Variants in CSMD1 observed in about 807,000 individuals in gnomAD.
CSMD1 encodes CUB and sushi domain-containing protein 1.
Under a neutral mutation model 417.5 loss-of-function variants are expected in CSMD1, and 213 were observed. The observed-to-expected ratio is 0.51, with a 90% CI of 0.46 to 0.57. The LOEUF (loss-of-function observed/expected upper bound fraction) is 0.57. CSMD1 is among the 20% of genes least tolerant of loss of function. The pLI is 0.00. For synonymous variants in CSMD1, 2,862 were observed against 1,736.8 expected (o/e 1.65, Z -16.11); for missense variants, 6,923 against 4,529.7 (o/e 1.53, Z -15.17).
At chr8:4,113,780 T>A (rs901383995) in intron 3 of CSMD1, among the ~76,000 whole-genome samples, 6 of 152,148 alleles carry the variant, frequency 3.9e-5, no homozygotes, top group African/African-American at 1.4e-4. Context: ...GTTTTCAAGT[T>A]ATCTGCATAA....
At position 3,206,462 on chromosome 8, in the gene CSMD1, G is replaced by T. The variant is rs564761898; in HGVS notation, c.4868-842C>A. On this transcript the variant is annotated intron_variant, in intron 30 of 69. Coordinates refer to ENST00000635120, the MANE Select transcript of CSMD1 (RefSeq NM_033225.6). ...GTATGTGTGTGTGTATGTGTGTGTG[G>T]GGGGGTTATGTCTGTGCGTGTATGT... is the stretch of plus-strand genomic sequence containing the variant. Among the ~76,000 whole-genome samples, 86 of 69,942 alleles carry T rather than the reference G, an allele frequency of 1.2e-3. 1 individual carries two copies. Among genetic ancestry groups the T allele is most frequent in the African/African-American group, 4.4e-3 (78 of 17,692 alleles). The allele number at this position is 69,942 out of a possible 152,430, so 45.9% of individuals were successfully genotyped here. A position where few individuals can be genotyped will look rare whatever the true frequency, so the allele number is the denominator to read the frequency against.
chr8:4,848,889 A>G (rs1801303835), intron 1 of CSMD1, among the ~76,000 whole-genome samples: 1 of 152,238 alleles, frequency 6.6e-6, no homozygotes, highest in Admixed American at 6.5e-5. Context: ...TTTCTGGTTT[A>G]TAGTTTTACT....
At chr8:4,039,837 G>C (rs545673355) in intron 3 of CSMD1, among the ~76,000 whole-genome samples, 2 of 152,254 alleles carry the variant, frequency 1.3e-5, no homozygotes, top group African/African-American at 2.4e-5. Context: ...AAATAGATTT[G>C]GGTTTCTGCT....
chr8:4,788,506 G>A, intron 1 of CSMD1: 1 of 1,378,314 alleles, frequency 7.3e-7, no homozygotes, highest in Non-Finnish European at 1.0e-6. Context: ...ATTTAGTATG[G>A]AGCAAACTGT....
rs551825272 is a variant in CSMD1 at position 3,374,724 on chromosome 8, G to T, written c.2783-5354C>A. ...GCCCCGAGACAGGCTGTCTGCTGAGGTTTCTCTGCCAACTCATTCCAGGAT... is the reference window on the plus strand; with the variant it reads ...GCCCCGAGACAGGCTGTCTGCTGAGTTTTCTCTGCCAACTCATTCCAGGAT... On this transcript the variant is annotated intron_variant, in intron 18 of 69. Coordinates refer to ENST00000635120, the MANE Select transcript of CSMD1 (RefSeq NM_033225.6). Among the ~76,000 whole-genome samples the T allele has an allele frequency of 1.2e-3, 185 of 152,172 alleles. 1 individual carries two copies. Among genetic ancestry groups the T allele is most frequent in the African/African-American group, 4.1e-3 (171 of 41,518 alleles).
intron 5 of CSMD1, among the ~76,000 whole-genome samples, chr8:3,895,285 T>C (rs1197895727): frequency 6.6e-6 from 1 of 152,196 alleles, no homozygotes; most frequent in African/African-American, 2.4e-5. Context: ...TCTATTTAAA[T>C]TATGTAAAGT....
intron 6 of CSMD1, among the ~76,000 whole-genome samples, chr8:3,742,192 G>T (rs1283366245): frequency 6.6e-6 from 1 of 152,040 alleles, no homozygotes; most frequent in Non-Finnish European, 1.5e-5. Context: ...CCACCATTAA[G>T]GAGAAGTGAT....
At position 4,738,546 on chromosome 8, in the gene CSMD1, G is replaced by A. The variant is rs549611358; in HGVS notation, c.86-100988C>T. 7.4e-4 allele frequency among the ~76,000 whole-genome samples: 112 copies of A among 152,040 alleles called. 1 individual carries two copies. The highest frequency in any genetic ancestry group is 2.7e-3 in the African/African-American group (111 of 41,460). On this transcript the variant is annotated intron_variant, in intron 1 of 69. Coordinates refer to ENST00000635120, the MANE Select transcript of CSMD1 (RefSeq NM_033225.6). ...ATCCACCTGGCCACTCCCATAACAG[G>A]GGAACTACAATTCTAGATAAGACTT...
At chr8:3,254,475 A>T (rs1186038067) in intron 26 of CSMD1, among the ~76,000 whole-genome samples, 7 of 152,124 alleles carry the variant, frequency 4.6e-5, no homozygotes, top group Non-Finnish European at 1.0e-4. Flanking sequence ...AGTGTTTTCC[A>T]ACTTGGTTCC....
chr8:3,130,049 G>C (rs748480714), intron 41 of CSMD1, among the ~76,000 whole-genome samples: 4 of 152,122 alleles, frequency 2.6e-5, no homozygotes, highest in Non-Finnish European at 5.9e-5. Context: ...TGGGAGACTT[G>C]CAAGTGCTTG....
rs562867160 is a variant in CSMD1, at chr8:4,844,683, C to T, written c.85+149649G>A. The stretch of plus-strand genomic sequence containing the variant: ...TAGGATCAAAAAGAAATAGAATTTA[C>T]TCATTATTATCTTAGACTCTAAACA... On this transcript the variant is annotated intron_variant, in intron 1 of 69. Coordinates refer to ENST00000635120, the MANE Select transcript of CSMD1 (RefSeq NM_033225.6). Among the ~76,000 whole-genome samples the T allele has an allele frequency of 3.3e-5, 5 of 152,294 alleles. No individual in the cohort carries two copies. The South Asian group carries it at 1.0e-3, about 32-fold the overall frequency.
chr8:3,747,006 A>G (rs964936450), intron 6 of CSMD1, among the ~76,000 whole-genome samples: 1 of 152,234 alleles, frequency 6.6e-6, no homozygotes, highest in South Asian at 2.1e-4. Flanking sequence ...TCCTCCTTTC[A>G]TTAGGAATTT....
At chr8:4,584,381 C>G (rs936468396) in intron 2 of CSMD1, among the ~76,000 whole-genome samples, 3 of 152,048 alleles carry the variant, frequency 2.0e-5, no homozygotes, top group African/African-American at 7.2e-5. Flanking sequence ...CTTTCGCTTG[C>G]TATTCTGTCC....
intron 11 of CSMD1, among the ~76,000 whole-genome samples, chr8:3,486,165 T>C (rs1166278519): frequency 1.3e-5 from 2 of 152,246 alleles, no homozygotes; most frequent in Non-Finnish European, 2.9e-5. Context: ...AATTTGATTC[T>C]GAACATGGCA....
intron 1 of CSMD1, among the ~76,000 whole-genome samples, chr8:4,943,826 T>C (rs1020110061): frequency 6.6e-6 from 1 of 152,206 alleles, no homozygotes; most frequent in Non-Finnish European, 1.5e-5. Context: ...GACAGCATCA[T>C]TATTCAGAAC....
intron 3 of CSMD1, among the ~76,000 whole-genome samples, chr8:4,138,982 C>T (rs920620354): frequency 9.2e-5 from 14 of 152,258 alleles, no homozygotes; most frequent in African/African-American, 2.9e-4. Flanking sequence ...CTTTCCTGAG[C>T]TGTGGGTTGA....
intron 12 of CSMD1, among the ~76,000 whole-genome samples, chr8:3,435,703 C>G (rs1246523036): frequency 6.6e-6 from 1 of 152,168 alleles, no homozygotes. Context: ...TCACCCAGAC[C>G]TCCTTCCCAT....
intron 3 of CSMD1, among the ~76,000 whole-genome samples, chr8:4,162,353 G>C (rs985987081): frequency 3.9e-5 from 6 of 152,068 alleles, no homozygotes; most frequent in African/African-American, 1.2e-4. Context: ...CTTGTTTTTA[G>C]GTAATTTTGA....
intron 2 of CSMD1, among the ~76,000 whole-genome samples, chr8:4,496,481 C>T (rs1801984469): frequency 1.3e-5 from 2 of 152,130 alleles, no homozygotes; most frequent in South Asian, 2.1e-4. Context: ...GTGGAATCTC[C>T]GTTTGCGGAA....
Sources: allele counts gnomAD v4.1 joint callset (sites outside exome capture counted in the v4.1 genomes callset), GRCh38; gene constraint gnomAD v4.1.1; transcripts MANE v1.5; gene names NCBI Gene and HGNC (gene_info 2026-07-23, HGNC 2026-07-21).